Variants in SEM1 observed in about 807,000 individuals in gnomAD.
The protein encoded by SEM1 is 26S proteasome complex subunit SEM1.
In SEM1, 3 loss-of-function variants were observed where a neutral mutation model predicts 12.7. The ratio of observed to expected loss-of-function variants is 0.24; its 90% CI spans 0.11 to 0.61. The LOEUF (loss-of-function observed/expected upper bound fraction) is 0.61. Among genes scored for constraint, SEM1 ranks in the 20% least tolerant of loss-of-function variants. SEM1 has a pLI of 0.88. For missense variants in SEM1, 59 were observed against 81.3 expected (o/e 0.73, Z 1.06); for synonymous variants, 30 against 27.8 (o/e 1.08, Z -0.25).
chr7:96,524,499 TG>T (rs1804386119), intron 2 of SEM1, among the ~76,000 whole-genome samples: 1 of 152,112 alleles, frequency 6.6e-6, no homozygotes, highest in Non-Finnish European at 1.5e-5. Flanking sequence ...CTCTATTCCA[TG>T]CCACAGGTAT....
intron 2 of SEM1, among the ~76,000 whole-genome samples, chr7:96,598,779 G>T (rs570726796): frequency 1.3e-5 from 2 of 152,104 alleles, no homozygotes; most frequent in East Asian, 3.9e-4. Flanking sequence ...TGTGGAAAAC[G>T]TTGGGTCTAT....
At chr7:96,540,880 T>C (rs1012927408) in intron 2 of SEM1, among the ~76,000 whole-genome samples, 1 of 151,936 alleles carries the variant, frequency 6.6e-6, no homozygotes, top group African/African-American at 2.4e-5. Flanking sequence ...GATAATGGCC[T>C]CCAGGTGCAT....
chr7:96,540,063 C>G (rs1461352973), intron 2 of SEM1, among the ~76,000 whole-genome samples: 2 of 150,392 alleles, frequency 1.3e-5, no homozygotes, highest in African/African-American at 2.5e-5. Context: ...AAATTTACAA[C>G]TTATATAAAA....
At chr7:96,484,013 G>A (rs1172986251) in intron 3 of SEM1, 1 of 1,477,806 alleles carries the variant, frequency 6.8e-7, no homozygotes, top group African/African-American at 1.4e-5. Context: ...GATAAATGCT[G>A]TGGGCCAGGA....
chr7:96,569,053 T>C (rs1198044147), intron 2 of SEM1, among the ~76,000 whole-genome samples: 2 of 151,956 alleles, frequency 1.3e-5, no homozygotes, highest in Non-Finnish European at 2.9e-5. Flanking sequence ...CAGTATTAGC[T>C]GTCTATTTCA....
At chr7:96,552,459 C>T (rs373800408) in intron 2 of SEM1, among the ~76,000 whole-genome samples, 3,831 of 150,104 alleles carry the variant, frequency 0.026, 76 homozygotes, top group Middle Eastern at 0.051. Context: ...TTTGTTCTTG[C>T]GATAGTTTAC....
intron 2 of SEM1, among the ~76,000 whole-genome samples, chr7:96,550,596 T>G (rs2115837831): frequency 6.6e-6 from 1 of 152,326 alleles, no homozygotes; most frequent in South Asian, 2.1e-4. Context: ...TGAAAGAAGT[T>G]ATAACTAGCG....
At chr7:96,539,734 A>T (rs1025417375) in intron 2 of SEM1, among the ~76,000 whole-genome samples, 1 of 151,818 alleles carries the variant, frequency 6.6e-6, no homozygotes, top group Non-Finnish European at 1.5e-5. Context: ...CATTGCTGCA[A>T]CCTCAGCACT....
intron 2 of SEM1, among the ~76,000 whole-genome samples, chr7:96,511,786 G>T (rs988518117): frequency 3.3e-5 from 5 of 151,952 alleles, no homozygotes; most frequent in African/African-American, 4.8e-5. Context: ...GTATTTTTTT[G>T]ATTGCCTCTC....
intron 2 of SEM1, among the ~76,000 whole-genome samples, chr7:96,666,498 T>C (rs1789175257): frequency 6.6e-6 from 1 of 152,182 alleles, no homozygotes; most frequent in African/African-American, 2.4e-5. Flanking sequence ...ATCCAGCTCA[T>C]AGCAGGTACT....
At chr7:96,515,062 A>G (rs1240240306) in intron 2 of SEM1, among the ~76,000 whole-genome samples, 3 of 152,184 alleles carry the variant, frequency 2.0e-5, no homozygotes, top group Admixed American at 6.5e-5. Context: ...AATGGAAAAG[A>G]GCAGAGAGCC....
In SEM1 at chr7:96,627,694, C is replaced by T. The variant is rs554724450; in HGVS notation, c.171-5051G>A. On this transcript the variant is annotated intron_variant, in intron 2 of 2. Transcript: ENST00000417009. ...ACTTGTTTTGTGACCTAACATATGG[C>T]CTATCCTTGAGAATGATCCATGTGC... Among the ~76,000 whole-genome samples, 16 of 152,190 alleles carry T rather than the reference C, an allele frequency of 1.1e-4. No individual in the cohort carries two copies. In the East Asian group the frequency reaches 3.1e-3, roughly 29 times the overall value.
At chr7:96,511,450 GGA>G (rs1365176088) in intron 2 of SEM1, among the ~76,000 whole-genome samples, 1 of 152,238 alleles carries the variant, frequency 6.6e-6, no homozygotes, top group South Asian at 2.1e-4. Context: ...CACTGAACGA[GGA>G]GAGAGTGTGA....
intron 2 of SEM1, among the ~76,000 whole-genome samples, chr7:96,524,911 T>C (rs1027086701): frequency 1.3e-5 from 2 of 152,154 alleles, no homozygotes; most frequent in Non-Finnish European, 2.9e-5. Flanking sequence ...CTGAATGAAA[T>C]ATCAGTTTTT....
exon 4 of SEM1, chr7:96,483,584 C>T: frequency 2.3e-6 from 1 of 429,252 alleles, no homozygotes; most frequent in Non-Finnish European, 4.4e-6. Flanking sequence ...CACTCTGGAA[C>T]CAGCCTGTTG....
At chr7:96,685,881 C>T (rs1789748152), downstream of SEM1, among the ~76,000 whole-genome samples, 1 of 151,552 alleles carries the variant, frequency 6.6e-6, no homozygotes, top group South Asian at 2.1e-4. Context: ...TTTTATAGAA[C>T]AGGAAAACTG....
intron 3 of SEM1, among the ~76,000 whole-genome samples, chr7:96,484,627 A>G (rs1212436840): frequency 6.6e-6 from 1 of 152,180 alleles, no homozygotes; most frequent in Non-Finnish European, 1.5e-5. Context: ...ATGAACAGAA[A>G]AGGCATGGCC....
chr7:96,622,630 CA>C lies in SEM1; in HGVS notation c.183del (p.Ser61ArgfsTer?), dbSNP rs1183945678. The C allele has an allele frequency of 1.3e-6, 1 of 764,756 alleles. No individual in the cohort carries two copies. The highest frequency in any genetic ancestry group is 1.7e-5 in the Admixed American group (1 of 58,972). The allele number at this position is 764,756 out of a possible 1,614,324, so 47.4% of individuals were successfully genotyped here. A position where few individuals can be genotyped will look rare whatever the true frequency, so the allele number is the denominator to read the frequency against. ...AATTCTCCCCGCTATTCCTCCAGTTCACTGTATCCAGCCCTGGAAAAATTAG... is the reference window on the plus strand; with the variant it reads ...AATTCTCCCCGCTATTCCTCCAGTTCCTGTATCCAGCCCTGGAAAAATTAG... On this transcript the variant is annotated frameshift_variant, in exon 3 of 3. Coordinates refer to the SEM1 transcript ENST00000417009. LOFTEE classifies it high-confidence loss of function.
intron 2 of SEM1, among the ~76,000 whole-genome samples, chr7:96,508,561 T>C (rs2117290001): frequency 6.6e-6 from 1 of 152,290 alleles, no homozygotes; most frequent in South Asian, 2.1e-4. Flanking sequence ...TTGCCTCTGC[T>C]GTCAGATAAT....
Sources: allele counts gnomAD v4.1 joint callset (sites outside exome capture counted in the v4.1 genomes callset), GRCh38; gene constraint gnomAD v4.1.1; transcripts MANE v1.5; gene names NCBI Gene and HGNC (gene_info 2026-07-23, HGNC 2026-07-21).